Variants in SLC18A1 observed in about 807,000 individuals in gnomAD.
The protein encoded by SLC18A1 is chromaffin granule amine transporter.
In SLC18A1, 69 loss-of-function variants were observed where a neutral mutation model predicts 53.7. That is an observed-to-expected ratio of 1.28 (90% confidence interval 1.06 to 1.57). The LOEUF is 1.57. Among genes scored for constraint, SLC18A1 ranks in the 40% most tolerant of loss-of-function variants. The pLI, the probability that SLC18A1 is intolerant of heterozygous loss-of-function variation, is 0.00. For missense variants in SLC18A1, 932 were observed against 668.1 expected (o/e 1.40, Z -4.35); for synonymous variants, 320 against 248.1 (o/e 1.29, Z -2.72).
intron 10 of SLC18A1, among the ~76,000 whole-genome samples, chr8:20,160,246 T>C (rs1484690429): frequency 2.0e-5 from 3 of 148,346 alleles, no homozygotes; most frequent in African/African-American, 5.0e-5. Flanking sequence ...AACTACTCAA[T>C]TGTTTATCTA....
chr8:20,171,807 A>G (rs1370578439), intron 6 of SLC18A1, among the ~76,000 whole-genome samples: 5 of 152,220 alleles, frequency 3.3e-5, no homozygotes, highest in African/African-American at 1.2e-4. Context: ...CAATGAAAGC[A>G]CAGTCAATGT....
chr8:20,173,877 A>C (rs563126614), intron 5 of SLC18A1, among the ~76,000 whole-genome samples: 1 of 150,642 alleles, frequency 6.6e-6, no homozygotes, highest in South Asian at 2.1e-4. Context: ...ACCCTGTTAG[A>C]AACTCTGTAA....
At chr8:20,176,687 C>G (rs749211336) in intron 4 of SLC18A1, among the ~76,000 whole-genome samples, 1 of 152,110 alleles carries the variant, frequency 6.6e-6, no homozygotes, top group Non-Finnish European at 1.5e-5. Context: ...CAAGGATACC[C>G]TAAACATCAA....
intron 10 of SLC18A1, among the ~76,000 whole-genome samples, chr8:20,155,351 C>T (rs747521720): frequency 3.9e-5 from 6 of 152,198 alleles, no homozygotes; most frequent in Non-Finnish European, 8.8e-5. Context: ...AAACGATTAG[C>T]GTGGCTGCTG....
Position 20,145,845 on chromosome 8 carries a change from G to T in SLC18A1, c.1496C>A (p.Thr499Asn), listed in dbSNP as rs116409427. The T allele has an allele frequency of 3.7e-6, 6 of 1,611,558 alleles. No individual in the cohort carries two copies. The highest frequency in any genetic ancestry group is 3.3e-4 in the Middle Eastern group (2 of 6,046). The change falls in exon 16 of 16, where the codon ACC becomes AAC. Residue 499 changes from threonine (T) to asparagine (N), a missense_variant. Physicochemically the swap from Thr to Asn is moderately conservative, Grantham distance 65 (BLOSUM62 0). Coordinates refer to ENST00000276373, the MANE Select transcript of SLC18A1 (RefSeq NM_003053.4). ...GGGCTTCTGGGTTGCATACATCCGG[G>T]TCTCCATGGGGCAGTCCTGACTCAG... is the stretch of plus-strand genomic sequence containing the variant. ...AILSQDCPME[T>N]RMYATQKPTK...
rs988093962 is a variant in SLC18A1, at chr8:20,147,710, G to A, written c.1223C>T (p.Ser408Phe). Residue 408 changes from serine (S) to phenylalanine (F), a missense_variant, in exon 14 of 16, where the codon TCT (serine) becomes TTT (phenylalanine). Transcript: ENST00000276373. ...GLGLAIGMVD[S>F]SMMPIMGHLV... ...GTGCCCCATGATGGGCATCATAGAA[G>A]AATCCACCATGCCTGTGGCCAGAGC... is the stretch of plus-strand genomic sequence containing the variant. 2 of 1,613,468 alleles carry A rather than the reference G, an allele frequency of 1.2e-6. No homozygotes were observed. The highest frequency in any genetic ancestry group is 8.5e-7 in the Non-Finnish European group (1 of 1,179,844).
chr8:20,155,995 A>G (rs954930290), intron 10 of SLC18A1, among the ~76,000 whole-genome samples: 1 of 152,192 alleles, frequency 6.6e-6, no homozygotes, highest in Non-Finnish European at 1.5e-5. Context: ...TATCCAACTT[A>G]CCCACCCTGT....
At chr8:20,157,154 C>T (rs149666027) in intron 10 of SLC18A1, among the ~76,000 whole-genome samples, 4 of 152,162 alleles carry the variant, frequency 2.6e-5, no homozygotes, top group Non-Finnish European at 4.4e-5. Flanking sequence ...TAATGCTCAT[C>T]GGAAAATGAC....
intron 8 of SLC18A1, among the ~76,000 whole-genome samples, chr8:20,167,040 T>C (rs1378413821): frequency 2.0e-5 from 3 of 152,006 alleles, no homozygotes; most frequent in Non-Finnish European, 4.4e-5. Flanking sequence ...ATATGTGTTG[T>C]TTAAGCTACC....
At chr8:20,164,256 C>G (rs2071898036) in intron 10 of SLC18A1, among the ~76,000 whole-genome samples, 1 of 152,154 alleles carries the variant, frequency 6.6e-6, no homozygotes, top group Non-Finnish European at 1.5e-5. Context: ...AAGCTCCTCT[C>G]TAAGTCGCTG....
chr8:20,147,150 C>A, intron 15 of SLC18A1, 108 bp downstream of exon 15: 1 of 1,202,726 alleles, frequency 8.3e-7, no homozygotes, highest in Non-Finnish European at 1.1e-6. Flanking sequence ...GAGAGAGTAT[C>A]AACAGAGCAA....
chr8:20,176,819 A>G lies in SLC18A1; in HGVS notation c.547+1616T>C, dbSNP rs180753712. Among the ~76,000 whole-genome samples the G allele has an allele frequency of 5.3e-5, 8 of 152,350 alleles. No homozygotes were observed. In the South Asian group the frequency reaches 6.2e-4, roughly 12 times the overall value. On this transcript the variant is annotated intron_variant, in intron 4 of 15. Transcript: ENST00000276373. ...GTTAAACAATAATTACTTAACATATACAGTTTACTTTAAAAGTAAAGCTTT... is the reference window on the plus strand; with the variant it reads ...GTTAAACAATAATTACTTAACATATGCAGTTTACTTTAAAAGTAAAGCTTT...
intron 8 of SLC18A1, among the ~76,000 whole-genome samples, chr8:20,170,189 G>A (rs1298046802): frequency 6.6e-6 from 1 of 152,156 alleles, no homozygotes; most frequent in African/African-American, 2.4e-5. Context: ...AGCATCTCAG[G>A]AGACTGCGGG....
At chr8:20,165,196 C>T in intron 8 of SLC18A1, 89 bp from the exon 9 acceptor site, 2 of 1,155,732 alleles carry the variant, frequency 1.7e-6, no homozygotes, top group Non-Finnish European at 2.6e-6. Context: ...CAATTATGGG[C>T]TTAGAGACCA....
intron 8 of SLC18A1, 68 bp downstream of exon 8, chr8:20,171,035 G>A: frequency 1.4e-6 from 2 of 1,471,112 alleles, no homozygotes; most frequent in Non-Finnish European, 1.9e-6. Flanking sequence ...GGTTTGGCAG[G>A]CATGCCTGGG....
At chr8:20,150,807 C>T (rs368135653) in intron 10 of SLC18A1, 63 bp from the exon 11 acceptor site, 39 of 1,406,240 alleles carry the variant, frequency 2.8e-5, no homozygotes, top group South Asian at 1.3e-4. Context: ...TGCCTTGTCT[C>T]GTACAAGACA....
At chr8:20,155,295 T>G (rs1478797992) in intron 10 of SLC18A1, among the ~76,000 whole-genome samples, 1 of 152,208 alleles carries the variant, frequency 6.6e-6, no homozygotes, top group Admixed American at 6.5e-5. Flanking sequence ...TGTCCTATCC[T>G]TCCTTAGAAT....
intron 10 of SLC18A1, among the ~76,000 whole-genome samples, chr8:20,161,851 G>A (rs994370172): frequency 2.0e-5 from 3 of 152,070 alleles, no homozygotes; most frequent in Non-Finnish European, 2.9e-5. Context: ...TGGTCTTTCC[G>A]GGCTGAGTCT....
intron 10 of SLC18A1, among the ~76,000 whole-genome samples, chr8:20,157,918 G>A (rs1278155937): frequency 6.6e-6 from 1 of 152,308 alleles, no homozygotes; most frequent in South Asian, 2.1e-4. Flanking sequence ...CTTGCTTCTA[G>A]TGCAGTCTAC....
Sources: gnomAD v4.1 joint callset for allele counts (sites outside exome capture counted in the v4.1 genomes callset) on GRCh38, gnomAD v4.1.1 for gene constraint, MANE v1.5 for transcripts, NCBI Gene and HGNC (gene_info 2026-07-23, HGNC 2026-07-21) for gene names.